PDZD2: variants seen among roughly 807,000 people sequenced by gnomAD.
PDZD2 encodes the protein PDZ domain-containing protein 2.
PDZD2 carries 90 observed loss-of-function variants against 220.7 expected under a neutral mutation model. That is an observed-to-expected ratio of 0.41 (90% confidence interval 0.34 to 0.49). PDZD2 has a LOEUF of 0.49. PDZD2 is among the 20% of genes least tolerant of loss of function. The pLI is 0.28. For synonymous variants in PDZD2, 1,375 were observed against 1,450.5 expected, an observed-to-expected ratio of 0.95 and a Z score of 1.18; for missense variants, 3,174 against 3,608.5, an observed-to-expected ratio of 0.88 and a Z score of 3.08.
In PDZD2 at chr5:31,868,742, T is replaced by C. The variant is rs892110826; in HGVS notation, c.476+69018T>C. 2.0e-5 allele frequency among the ~76,000 whole-genome samples: 3 copies of C among 152,162 alleles called. No individual in the cohort carries two copies. The South Asian group carries it at 6.2e-4, about 32-fold the overall frequency. On this transcript the variant is annotated intron_variant, in intron 2 of 24. Coordinates refer to ENST00000438447, the MANE Select transcript of PDZD2 (RefSeq NM_178140.4). ...TAACATTCTTGAATTACTTTGCTCA[T>C]TCATAAAATGAGGCTTGCGTTAAAG...
chr5:31,865,621 CTTTTTTTTTTTT>C (rs776271275), intron 2 of PDZD2, among the ~76,000 whole-genome samples: 16 of 67,802 alleles, frequency 2.4e-4, no homozygotes, highest in African/African-American at 9.0e-4. Context: ...CTACTGGCAA[CTTTTTTTTTTTT>C]TTTTTTTTTT....
At chr5:31,684,597 C>G (rs185368893) in intron 1 of PDZD2, among the ~76,000 whole-genome samples, 2 of 150,646 alleles carry the variant, frequency 1.3e-5, no homozygotes, top group East Asian at 4.0e-4. Flanking sequence ...ACAGATACAT[C>G]GCTCTGCAAA....
At chr5:31,822,526 T>C in intron 2 of PDZD2, 1 of 634,022 alleles carries the variant, frequency 1.6e-6, no homozygotes. Flanking sequence ...GCATCCGGCA[T>C]CTTGTTTCTG....
At chr5:31,929,308 T>C (rs1343645839) in intron 2 of PDZD2, among the ~76,000 whole-genome samples, 1 of 152,232 alleles carries the variant, frequency 6.6e-6, no homozygotes, top group African/African-American at 2.4e-5. Context: ...ATAAATGCAG[T>C]ATAACCTTCT....
chr5:31,863,073 G>A (rs572145688), intron 2 of PDZD2, among the ~76,000 whole-genome samples: 22 of 152,072 alleles, frequency 1.4e-4, no homozygotes, highest in Admixed American at 7.9e-4. Flanking sequence ...TAGTAGAGAC[G>A]GAGTTTCACC....
chr5:31,777,634 T>C (rs994874220), intron 1 of PDZD2, among the ~76,000 whole-genome samples: 1 of 152,244 alleles, frequency 6.6e-6, no homozygotes, highest in Non-Finnish European at 1.5e-5. Flanking sequence ...GGATTGTATA[T>C]GCACCAATCA....
intron 1 of PDZD2, among the ~76,000 whole-genome samples, chr5:31,797,440 G>A (rs1348668603): frequency 6.6e-6 from 1 of 151,858 alleles, no homozygotes; most frequent in Admixed American, 6.6e-5. Flanking sequence ...CCAACAGAGT[G>A]AAACCCTGTC....
At chr5:31,992,227 T>A (rs937641808) in intron 3 of PDZD2, among the ~76,000 whole-genome samples, 6 of 152,236 alleles carry the variant, frequency 3.9e-5, no homozygotes, top group Non-Finnish European at 1.5e-5. Flanking sequence ...TGTTATCGGA[T>A]AAAAGTGAAA....
At chr5:31,845,915 T>C (rs1185506609) in intron 2 of PDZD2, among the ~76,000 whole-genome samples, 1 of 152,264 alleles carries the variant, frequency 6.6e-6, no homozygotes, top group Non-Finnish European at 1.5e-5. Flanking sequence ...TTAGAATCTA[T>C]ATTGTAAATA....
At position 32,072,144 on chromosome 5, in the gene PDZD2, G is replaced by A. The variant is rs372141432; in HGVS notation, c.2569-17G>A. ...TGCTGTGTTTTCTTAGTTATCGGAT[G>A]TTTTCTTCTTCAACAGGACTCCCTT... On this transcript the variant is annotated splice_polypyrimidine_tract_variant and intron_variant, in intron 16 of 24. Transcript: ENST00000438447. 6.9e-6 allele frequency: 11 copies of A among 1,586,444 alleles called. No individual in the cohort carries two copies. Among genetic ancestry groups the A allele is most frequent in the Middle Eastern group, 3.4e-4 (2 of 5,956 alleles).
At chr5:31,794,351 G>A (rs1459321574) in intron 1 of PDZD2, among the ~76,000 whole-genome samples, 1 of 149,896 alleles carries the variant, frequency 6.7e-6, no homozygotes, top group Non-Finnish European at 1.5e-5. Flanking sequence ...TTTGTTGAAT[G>A]AATTAATAGT....
intron 24 of PDZD2, chr5:32,103,419 A>G (rs193155862): frequency 6.6e-6 from 1 of 152,158 alleles, no homozygotes; most frequent in Non-Finnish European, 1.5e-5. Flanking sequence ...CCTGTCTCCA[A>G]AAAAAATAAA....
chr5:31,872,865 C>T (rs1321829533), intron 2 of PDZD2, among the ~76,000 whole-genome samples: 1 of 152,054 alleles, frequency 6.6e-6, no homozygotes, highest in African/African-American at 2.4e-5. Context: ...TCCCATATGA[C>T]TATAATGGAA....
chr5:31,999,965 A>G (rs1374465445), intron 4 of PDZD2, among the ~76,000 whole-genome samples, 174 bp from the exon 5 acceptor site: 1 of 152,152 alleles, frequency 6.6e-6, no homozygotes, highest in East Asian at 1.9e-4. Context: ...TCTGATGGGA[A>G]TCTGGACACA....
At chr5:31,942,452 A>C (rs2150403922) in intron 2 of PDZD2, among the ~76,000 whole-genome samples, 1 of 152,286 alleles carries the variant, frequency 6.6e-6, no homozygotes, top group African/African-American at 2.4e-5. Flanking sequence ...ATGGACCTGG[A>C]GACATGGCTC....
Position 31,938,905 on chromosome 5 carries a change from C to T in PDZD2, c.477-44250C>T, listed in dbSNP as rs112655609. The stretch of plus-strand genomic sequence containing the variant: ...TTTAACTTGTGTCGAAACTTCAGGC[C>T]TCGGTATGGAGCCATCTTGTGTAAG... On this transcript the variant is annotated intron_variant, in intron 2 of 24. Coordinates refer to ENST00000438447, the MANE Select transcript of PDZD2 (RefSeq NM_178140.4). 7.9e-4 allele frequency among the ~76,000 whole-genome samples: 120 copies of T among 152,254 alleles called. 1 individual carries two copies. The Middle Eastern group carries it at 0.02, about 26-fold the overall frequency.
chr5:31,775,505 T>C (rs1455817244), intron 1 of PDZD2, among the ~76,000 whole-genome samples: 1 of 152,112 alleles, frequency 6.6e-6, no homozygotes, highest in African/African-American at 2.4e-5. Context: ...TTGGCCTTTC[T>C]GATGGAAATT....
chr5:31,966,958 G>A (rs1057124491), intron 2 of PDZD2, among the ~76,000 whole-genome samples: 11 of 152,202 alleles, frequency 7.2e-5, no homozygotes, highest in African/African-American at 2.2e-4. Flanking sequence ...AGAACAGTGC[G>A]TGACCTTAGC....
At chr5:31,984,656 G>A (rs1276455203) in intron 3 of PDZD2, among the ~76,000 whole-genome samples, 1 of 151,878 alleles carries the variant, frequency 6.6e-6, no homozygotes, top group Non-Finnish European at 1.5e-5. Flanking sequence ...TTGAGCTCAG[G>A]AGTGTGAGAC....
Sources: allele counts gnomAD v4.1 joint callset (sites outside exome capture counted in the v4.1 genomes callset), GRCh38; gene constraint gnomAD v4.1.1; transcripts MANE v1.5; gene names NCBI Gene and HGNC (gene_info 2026-07-23, HGNC 2026-07-21).